CDC42BPA: variants seen among roughly 807,000 people sequenced by gnomAD.
CDC42BPA encodes serine/threonine-protein kinase MRCK alpha.
A neutral mutation model predicts 223.5 loss-of-function variants in CDC42BPA; 80 were observed. The ratio of observed to expected loss-of-function variants is 0.36; its 90% CI spans 0.30 to 0.43. The LOEUF (loss-of-function observed/expected upper bound fraction) is 0.43, where lower values mean the gene tolerates loss of function less well. Among genes scored for constraint, CDC42BPA ranks in the 20% least tolerant of loss-of-function variants. The pLI, the probability that CDC42BPA is intolerant of heterozygous loss-of-function variation, is 1.00. For synonymous variants in CDC42BPA, 694 were observed against 718.6 expected, an observed-to-expected ratio of 0.97 and a Z score of 0.55; for missense variants, 1,743 against 2,099.9, an observed-to-expected ratio of 0.83 and a Z score of 3.32.
rs28569185 is a variant in CDC42BPA at position 227,062,544 on chromosome 1, A to G, written c.2904+7233T>C. ...ATTGTATTATGCTTAAGGGCAGGAA[A>G]TATTACGCTTAAGGGCAGGAAGTAT... On this transcript the variant is annotated intron_variant, in intron 21 of 36. Transcript: ENST00000366766. 6.4e-3 allele frequency among the ~76,000 whole-genome samples: 974 copies of G among 152,296 alleles called. 7 individuals carry two copies. The highest frequency in any genetic ancestry group is 9.8e-3 in the Non-Finnish European group (664 of 68,018).
chr1:227,102,718 A>G (rs556761004), intron 14 of CDC42BPA, among the ~76,000 whole-genome samples: 2 of 152,318 alleles, frequency 1.3e-5, no homozygotes, highest in East Asian at 3.8e-4. Flanking sequence ...CATCTGTAAA[A>G]AAGAAAAACC....
intron 15 of CDC42BPA, among the ~76,000 whole-genome samples, chr1:227,097,090 C>T (rs1469582865): frequency 6.6e-6 from 1 of 152,098 alleles, no homozygotes; most frequent in Non-Finnish European, 1.5e-5. Context: ...TACTTTGCTC[C>T]AGTACTTTCC....
chr1:227,232,446 C>T (rs1293696930), intron 2 of CDC42BPA, among the ~76,000 whole-genome samples: 3 of 152,092 alleles, frequency 2.0e-5, no homozygotes, highest in East Asian at 1.9e-4. Flanking sequence ...AGCTTTGTTC[C>T]GTTGCTGGCA....
chr1:227,193,581 T>G, intron 5 of CDC42BPA: 1 of 521,248 alleles, frequency 1.9e-6, no homozygotes. Context: ...TGTACATGTA[T>G]GTATAAGCAG....
chr1:227,022,402 TAG>T (rs1435015810), intron 32 of CDC42BPA, among the ~76,000 whole-genome samples: 2 of 151,452 alleles, frequency 1.3e-5, no homozygotes, highest in Admixed American at 1.3e-4. Flanking sequence ...CACTGCACTA[TAG>T]CCTGGGCAAC....
At chr1:227,151,023 C>A (rs781413778) in intron 6 of CDC42BPA, among the ~76,000 whole-genome samples, 41 of 151,896 alleles carry the variant, frequency 2.7e-4, no homozygotes, top group Admixed American at 1.8e-3. Flanking sequence ...AATTTACTAT[C>A]TTAATGATTT....
intron 10 of CDC42BPA, among the ~76,000 whole-genome samples, chr1:227,135,109 T>C (rs1571888458): frequency 6.6e-6 from 1 of 152,236 alleles, no homozygotes; most frequent in Non-Finnish European, 1.5e-5. Context: ...TCTGTGAGTG[T>C]ACTTAGGTCA....
intron 15 of CDC42BPA, among the ~76,000 whole-genome samples, chr1:227,097,124 T>C (rs1684148635): frequency 6.6e-6 from 1 of 152,070 alleles, no homozygotes; most frequent in Non-Finnish European, 1.5e-5. Context: ...CCTCCAATCA[T>C]CTATAATTTC....
chr1:227,297,902 A>T (rs193260985), intron 1 of CDC42BPA, among the ~76,000 whole-genome samples: 1 of 149,622 alleles, frequency 6.7e-6, no homozygotes, highest in Admixed American at 6.7e-5. Flanking sequence ...CCACCAAATA[A>T]TACACTTTAA....
chr1:227,087,952 T>C (rs1217844648), intron 16 of CDC42BPA, among the ~76,000 whole-genome samples: 3 of 151,952 alleles, frequency 2.0e-5, no homozygotes, highest in Non-Finnish European at 4.4e-5. Context: ...ACATTTGTGG[T>C]TGGGGTTTCA....
chr1:227,054,378 C>T (rs931428732), intron 21 of CDC42BPA, among the ~76,000 whole-genome samples: 1 of 152,168 alleles, frequency 6.6e-6, no homozygotes, highest in African/African-American at 2.4e-5. Flanking sequence ...AGAAGTTGGG[C>T]ATACTGTCTT....
chr1:227,270,236 T>C (rs963417456), intron 1 of CDC42BPA, among the ~76,000 whole-genome samples: 1 of 152,154 alleles, frequency 6.6e-6, no homozygotes, highest in African/African-American at 2.4e-5. Flanking sequence ...AATGAAAAAG[T>C]TGTACACATT....
chr1:227,101,299 C>A, intron 14 of CDC42BPA, 60 bp from the exon 15 acceptor site: 1 of 1,057,830 alleles, frequency 9.5e-7, no homozygotes, highest in Non-Finnish European at 1.3e-6. Context: ...ATTTAAATAA[C>A]TTCTTTCTGT....
At chr1:227,031,172 C>T (rs1459867239) in intron 28 of CDC42BPA, 126 bp downstream of exon 28, 1 of 697,230 alleles carries the variant, frequency 1.4e-6, no homozygotes, top group African/African-American at 1.8e-5. Flanking sequence ...TAAACATGTA[C>T]TGAGCATTTA....
intron 1 of CDC42BPA, among the ~76,000 whole-genome samples, chr1:227,315,442 T>C (rs78473491): frequency 0.021 from 3,171 of 152,186 alleles, 127 homozygotes; most frequent in African/African-American, 0.072. Context: ...TTACTACTGG[T>C]ACATAGAGTT....
chr1:227,137,498 T>C (rs1210583888), intron 10 of CDC42BPA, among the ~76,000 whole-genome samples: 1 of 151,996 alleles, frequency 6.6e-6, no homozygotes, highest in African/African-American at 2.4e-5. Context: ...GCCCAGAAAT[T>C]GTACTCCCAG....
intron 11 of CDC42BPA, among the ~76,000 whole-genome samples, chr1:227,126,850 C>T (rs1689754370): frequency 6.6e-6 from 1 of 152,224 alleles, no homozygotes; most frequent in Non-Finnish European, 1.5e-5. Flanking sequence ...GAATGCTTTT[C>T]CCCAAGATTA....
intron 24 of CDC42BPA, among the ~76,000 whole-genome samples, chr1:227,037,851 AAT>A (rs1194120400): frequency 6.6e-6 from 1 of 152,210 alleles, no homozygotes; most frequent in Non-Finnish European, 1.5e-5. Context: ...AACTTGTTAT[AAT>A]ATGTCTGAAA....
intron 1 of CDC42BPA, chr1:227,264,665 TA>T: frequency 1.7e-6 from 1 of 578,072 alleles, no homozygotes; most frequent in Non-Finnish European, 3.1e-6. Context: ...TTACCAGTTT[TA>T]AAAATTTTTT....
Sources: gnomAD v4.1 joint callset for allele counts (sites outside exome capture counted in the v4.1 genomes callset) on GRCh38, gnomAD v4.1.1 for gene constraint, MANE v1.5 for transcripts, NCBI Gene and HGNC (gene_info 2026-07-23, HGNC 2026-07-21) for gene names.